Variants in LEPROTL1 observed in about 807,000 individuals in gnomAD.
LEPROTL1 encodes leptin receptor overlapping transcript like 1, also known as leptin receptor overlapping transcript-like 1.
LEPROTL1 carries 6 observed loss-of-function variants against 15.4 expected under a neutral mutation model. The ratio of observed to expected loss-of-function variants is 0.39; its 90% CI spans 0.21 to 0.77. The LOEUF (loss-of-function observed/expected upper bound fraction) is 0.77, where lower values mean the gene tolerates loss of function less well. Ranked by LOEUF, LEPROTL1 falls within the 30% of genes least tolerant of loss-of-function variation. LEPROTL1 has a pLI of 0.41. For synonymous variants in LEPROTL1, 56 were observed against 52.6 expected (o/e 1.06, Z -0.28); for missense variants, 128 against 158.1 (o/e 0.81, Z 1.02).
intron 4 of LEPROTL1, among the ~76,000 whole-genome samples, chr8:30,136,988 G>A (rs1803161081): frequency 6.6e-6 from 1 of 151,786 alleles, no homozygotes; most frequent in African/African-American, 2.4e-5. Context: ...GTGCCTGGCT[G>A]AAAATAGTCT....
intron 3 of LEPROTL1, chr8:30,131,944 C>A: frequency 1.3e-6 from 2 of 1,541,700 alleles, no homozygotes; most frequent in South Asian, 2.4e-5. Context: ...GGAAAGATGT[C>A]AGTTACATTT....
At chr8:30,100,512 C>T (rs1466000270) in intron 1 of LEPROTL1, among the ~76,000 whole-genome samples, 1 of 152,182 alleles carries the variant, frequency 6.6e-6, no homozygotes, top group Non-Finnish European at 1.5e-5. Context: ...TGCAAAGGCG[C>T]AGTCTAGGCT....
chr8:30,131,035 C>A (rs1361002894), intron 3 of LEPROTL1, among the ~76,000 whole-genome samples: 1 of 151,806 alleles, frequency 6.6e-6, no homozygotes, highest in African/African-American at 2.4e-5. Context: ...ACCTTGTGAT[C>A]CGCCCGTCTC....
At chr8:30,120,724 G>C (rs1802817422) in intron 3 of LEPROTL1, among the ~76,000 whole-genome samples, 1 of 152,106 alleles carries the variant, frequency 6.6e-6, no homozygotes, top group Non-Finnish European at 1.5e-5. Context: ...TAGAGATGAA[G>C]TTTTGCCATG....
rs11412693 is a variant in LEPROTL1 at position 30,107,752 on chromosome 8, C to CT, written c.*1898dup. 812,828 of 969,964 alleles carry CT rather than the reference C, an allele frequency of 0.84. 343,072 individuals carry two copies. The highest frequency in any genetic ancestry group is 0.86 in the South Asian group (18,095 of 20,978). The allele number at this position is 969,964 out of a possible 1,614,324, so 60.1% of individuals were successfully genotyped here. On this transcript the variant is annotated 3_prime_UTR_variant, in exon 4 of 4. Transcript: ENST00000321250. Reference sequence around the variant, plus strand: ...CTCTTTGTGCTTGTGATCTACTGGACTTTTTTTTGCAGGAAGTGCATTCTC... The same window carrying CT: ...CTCTTTGTGCTTGTGATCTACTGGACTTTTTTTTTGCAGGAAGTGCATTCTC...
chr8:30,102,806 C>T (rs1802491933), intron 2 of LEPROTL1, among the ~76,000 whole-genome samples: 1 of 151,996 alleles, frequency 6.6e-6, no homozygotes, highest in Admixed American at 6.6e-5. Flanking sequence ...ATAAAAATAT[C>T]CCCAGCCTCA....
downstream of LEPROTL1, among the ~76,000 whole-genome samples, chr8:30,110,263 CAG>C (rs1802634173): frequency 6.6e-6 from 1 of 152,118 alleles, no homozygotes; most frequent in Non-Finnish European, 1.5e-5. Context: ...GTGGTGGGAA[CAG>C]AGCAAATCCA....
intron 3 of LEPROTL1, among the ~76,000 whole-genome samples, chr8:30,118,018 T>TGGTG (rs145213637): frequency 1.9e-3 from 175 of 89,892 alleles, no homozygotes; most frequent in East Asian, 2.5e-3. Context: ...TTTTTTGATT[T>TGGTG]GTTTTTTTTT....
chr8:30,136,841 C>A (rs1264684370), intron 4 of LEPROTL1, among the ~76,000 whole-genome samples: 1 of 151,914 alleles, frequency 6.6e-6, no homozygotes, highest in Non-Finnish European at 1.5e-5. Context: ...GCGTCCGCCA[C>A]TATGCCCAGC....
chr8:30,102,738 T>C (rs1319363520), intron 2 of LEPROTL1, among the ~76,000 whole-genome samples: 3 of 151,752 alleles, frequency 2.0e-5, no homozygotes, highest in African/African-American at 7.3e-5. Context: ...TAGAAAAAGA[T>C]GGACAACTCA....
At position 30,095,796 on chromosome 8, in the gene LEPROTL1, G is replaced by A. The variant is rs553186972; in HGVS notation, c.16+268G>A. On this transcript the variant is annotated intron_variant, in intron 1 of 3. Transcript: ENST00000321250. ...CCTCTCTCCCACCCATCGCCCCCCG[G>A]ACAAAATATGAAGTGGTTGGCGGTC... is the stretch of plus-strand genomic sequence containing the variant. The A allele has an allele frequency of 1.5e-4, 103 of 700,836 alleles. No individual in the cohort carries two copies. In the African/African-American group the frequency reaches 1.6e-3, roughly 11 times the overall value. 43.4% of individuals were successfully genotyped at this position (700,836 alleles called of 1,614,324 possible).
At chr8:30,128,497 T>A (rs1271934796) in intron 3 of LEPROTL1, among the ~76,000 whole-genome samples, 2 of 152,090 alleles carry the variant, frequency 1.3e-5, no homozygotes, top group Non-Finnish European at 2.9e-5. Context: ...ACGGCTATAA[T>A]CTCAGCATTT....
chr8:30,118,535 G>A (rs1208325797), intron 3 of LEPROTL1, among the ~76,000 whole-genome samples: 5 of 152,100 alleles, frequency 3.3e-5, no homozygotes, highest in Non-Finnish European at 7.3e-5. Context: ...TGAAGGAGTG[G>A]CCTGCCCCTC....
chr8:30,127,332 G>A (rs1411939364), intron 3 of LEPROTL1, among the ~76,000 whole-genome samples: 2 of 152,184 alleles, frequency 1.3e-5, no homozygotes, highest in African/African-American at 4.8e-5. Flanking sequence ...CTGGGGACCT[G>A]AAAGAGCTGC....
chr8:30,099,089 G>A (rs576562890), intron 1 of LEPROTL1, among the ~76,000 whole-genome samples: 31 of 152,196 alleles, frequency 2.0e-4, no homozygotes, highest in African/African-American at 6.5e-4. Context: ...TCTACCTGAC[G>A]TTTGTCATCA....
chr8:30,100,855 G>C, intron 1 of LEPROTL1, among the ~76,000 whole-genome samples: 1 of 152,120 alleles, frequency 6.6e-6, no homozygotes, highest in East Asian at 1.9e-4. Context: ...ACTGCTGTGT[G>C]TGTGTGTGTG....
At chr8:30,095,815 G>A in intron 1 of LEPROTL1, 1 of 701,912 alleles carries the variant, frequency 1.4e-6, no homozygotes, top group Non-Finnish European at 2.6e-6. Flanking sequence ...TGAAGTGGTT[G>A]GCGGTCAGTG....
At chr8:30,132,032 A>G in intron 3 of LEPROTL1, 3 of 1,551,884 alleles carry the variant, frequency 1.9e-6, no homozygotes, top group African/African-American at 2.7e-5. Context: ...TTACAGAGCA[A>G]CCAGAGAGAG....
chr8:30,095,466 C>T lies in LEPROTL1; in HGVS notation c.-47C>T. On this transcript the variant is annotated 5_prime_UTR_variant, in exon 1 of 4. Transcript: ENST00000321250. Reference sequence around the variant, plus strand: ...GTCTTGGGTCTCCCGGCTGCCGCTGCTGCCGCCGCCGCCTCGGGTCGTGGA... The same window carrying T: ...GTCTTGGGTCTCCCGGCTGCCGCTGTTGCCGCCGCCGCCTCGGGTCGTGGA... 2.0e-6 allele frequency: 3 copies of T among 1,465,596 alleles called. No individual in the cohort carries two copies. Among genetic ancestry groups the T allele is most frequent in the Middle Eastern group, 1.9e-4 (1 of 5,298 alleles). 90.8% of individuals were successfully genotyped at this position (1,465,596 alleles called of 1,614,324 possible). A position where few individuals can be genotyped will look rare whatever the true frequency, so the allele number is the denominator to read the frequency against.
Sources: allele counts gnomAD v4.1 joint callset (sites outside exome capture counted in the v4.1 genomes callset), GRCh38; gene constraint gnomAD v4.1.1; transcripts MANE v1.5; gene names NCBI Gene and HGNC (gene_info 2026-07-23, HGNC 2026-07-21).